The following MYO5A variants were observed in gnomAD, a reference collection of about 807,000 sequenced individuals.
The protein encoded by MYO5A is unconventional myosin-Va.
MYO5A carries 98 observed loss-of-function variants against 249.7 expected under a neutral mutation model. The ratio of observed to expected loss-of-function variants is 0.39; its 90% CI spans 0.33 to 0.46. The LOEUF (loss-of-function observed/expected upper bound fraction) is 0.46, where lower values mean the gene tolerates loss of function less well. MYO5A is among the 20% of genes least tolerant of loss of function. MYO5A has a pLI of 0.98. For missense variants in MYO5A, 1,696 were observed against 2,308.8 expected, an observed-to-expected ratio of 0.73 and a Z score of 5.44; for synonymous variants, 778 against 810.6, an observed-to-expected ratio of 0.96 and a Z score of 0.68.
chr15:52,496,119 T>C (rs2141559532), intron 1 of MYO5A, among the ~76,000 whole-genome samples: 1 of 151,724 alleles, frequency 6.6e-6, no homozygotes, highest in South Asian at 2.1e-4. Context: ...ATTAATGTTG[T>C]CCTAAGTAGC....
Position 52,317,241 on chromosome 15 carries a change from A to T in MYO5A, c.5235-19T>A. 6.2e-7 allele frequency: 1 copy of T among 1,612,384 alleles called. No individual in the cohort carries two copies. The highest frequency in any genetic ancestry group is 8.5e-7 in the Non-Finnish European group (1 of 1,179,612). On this transcript the variant is annotated intron_variant, in intron 39 of 41. Transcript: ENST00000399233. The stretch of plus-strand genomic sequence containing the variant: ...ATTGTACCTATGAAAAAAAAGAGAT[A>T]CAGAGAATGCAAATTTGCTGAATTT...
Position 52,340,324 on chromosome 15 carries a change from T to C in MYO5A, c.4111A>G (p.Ile1371Val). The C allele has an allele frequency of 1.2e-6, 2 of 1,613,880 alleles. No individual in the cohort carries two copies. Among genetic ancestry groups the C allele is most frequent in the Non-Finnish European group, 1.7e-6 (2 of 1,180,000 alleles). The change falls in exon 32 of 42, where the codon ATC (isoleucine) becomes GTC (valine). Residue 1371 changes from isoleucine (I) to valine (V), a missense_variant. By Grantham distance (29) the Ile-to-Val change is conservative. Transcript: ENST00000399233. ...ENEAEALRGE[I>V]QSLKEENNRQ... ...TTGTTCTCCTCCTTCAGGCTCTGGA[T>C]CTCCCCACGGAGGGCCTCGGCCTCA...
At chr15:52,440,076 C>G (rs1038163232) in intron 1 of MYO5A, among the ~76,000 whole-genome samples, 3 of 152,218 alleles carry the variant, frequency 2.0e-5, no homozygotes. Flanking sequence ...TGCCTGGCAG[C>G]AATGAGGTAA....
intron 5 of MYO5A, among the ~76,000 whole-genome samples, chr15:52,414,425 C>T (rs547268765): frequency 6.6e-6 from 1 of 152,198 alleles, no homozygotes; most frequent in African/African-American, 2.4e-5. Flanking sequence ...TTAATATATT[C>T]CTACTAATAC....
chr15:52,376,980 G>T (rs929350513), intron 18 of MYO5A, among the ~76,000 whole-genome samples: 3 of 152,162 alleles, frequency 2.0e-5, no homozygotes, highest in Non-Finnish European at 2.9e-5. Flanking sequence ...GAAGAATAAG[G>T]CAGGAAGAAA....
At chr15:52,515,552 A>C (rs1182236658) in intron 1 of MYO5A, among the ~76,000 whole-genome samples, 3 of 152,372 alleles carry the variant, frequency 2.0e-5, no homozygotes, top group African/African-American at 7.2e-5. Context: ...TATCTCATTT[A>C]ATCTTCATAA....
chr15:52,379,717 A>T lies in MYO5A; in HGVS notation c.2116T>A (p.Phe706Ile). ...GFPSRWTYQE[F>I]FSRYRVLMKQ... ...ATTAGGACACGGTAGCGGCTGAAAA[A>T]TTCTTGGTAAGTCCACCTATTAAAA... The change falls in exon 18 of 42, where the codon TTT becomes ATT. Residue 706 changes from phenylalanine (F) to isoleucine (I), a missense_variant. Around this residue, in one of 5 missense-constraint regions of MYO5A, gnomAD observed 277 missense variants for 422.4 expected, o/e 0.66. Coordinates refer to ENST00000399233, the MANE Select transcript of MYO5A (RefSeq NM_001382347.1). 1 of 1,614,176 alleles carries T rather than the reference A, an allele frequency of 6.2e-7. No homozygotes were observed. The highest frequency in any genetic ancestry group is 8.5e-7 in the Non-Finnish European group (1 of 1,180,012).
intron 6 of MYO5A, among the ~76,000 whole-genome samples, chr15:52,408,483 A>T (rs1319463945): frequency 6.6e-6 from 1 of 152,086 alleles, no homozygotes; most frequent in Non-Finnish European, 1.5e-5. Flanking sequence ...CTATTTTCTA[A>T]TGGTACCTCT....
chr15:52,346,449 C>T lies in MYO5A; in HGVS notation c.3871G>A (p.Asp1291Asn). Residue 1291 changes from aspartate to asparagine, a missense_variant, in exon 30 of 42, where the codon GAT becomes AAT. By Grantham distance (23) the Asp-to-Asn change is conservative. Coordinates refer to ENST00000399233, the MANE Select transcript of MYO5A (RefSeq NM_001382347.1). Reference protein sequence around the residue: ...QPKDDKNTMTDSTILLEDVQK... With the variant: ...QPKDDKNTMTNSTILLEDVQK... ...ACATCTTCCAAAAGTATTGTGGAAT[C>T]TGTCATTGTATTCTGAGAGGGAAAT... is the stretch of plus-strand genomic sequence containing the variant. The T allele has an allele frequency of 6.3e-7, 1 of 1,588,368 alleles. No individual in the cohort carries two copies. The highest frequency in any genetic ancestry group is 8.6e-7 in the Non-Finnish European group (1 of 1,157,236).
At chr15:52,450,954 A>G (rs1451749157) in intron 1 of MYO5A, among the ~76,000 whole-genome samples, 2 of 128,450 alleles carry the variant, frequency 1.6e-5, no homozygotes, top group African/African-American at 5.7e-5. Context: ...TCTTATTTTT[A>G]TGTTTACATT....
intron 11 of MYO5A, among the ~76,000 whole-genome samples, chr15:52,392,975 T>A (rs2042316022): frequency 6.6e-6 from 1 of 152,194 alleles, no homozygotes; most frequent in African/African-American, 2.4e-5. Context: ...GGCTGTGTGA[T>A]TTAGTCTCTA....
rs909769817 is a variant in MYO5A, at chr15:52,419,392, A to G, written c.456-3091T>C. ...GTCTTAAAGATGTGGCTTCACTGAG[A>G]CTTTAATCTCTCTCTTGTTAGAGAG... On this transcript the variant is annotated intron_variant, in intron 4 of 41. Coordinates refer to ENST00000399233, the MANE Select transcript of MYO5A (RefSeq NM_001382347.1). Among the ~76,000 whole-genome samples, 89 of 152,242 alleles carry G rather than the reference A, an allele frequency of 5.8e-4. 1 individual carries two copies. Among genetic ancestry groups the G allele is most frequent in the African/African-American group, 2.1e-3 (86 of 41,554 alleles).
intron 1 of MYO5A, among the ~76,000 whole-genome samples, chr15:52,492,844 C>G (rs28665952): frequency 1.3e-5 from 2 of 152,090 alleles, no homozygotes; most frequent in Non-Finnish European, 2.9e-5. Context: ...GGGGCCCGGG[C>G]ACATGGGAAT....
chr15:52,474,462 G>C (rs1595750862), intron 1 of MYO5A, among the ~76,000 whole-genome samples: 1 of 152,168 alleles, frequency 6.6e-6, no homozygotes, highest in African/African-American at 2.4e-5. Context: ...TCCCTGTCTT[G>C]TGCCAGTTTT....
chr15:52,423,343 G>C (rs949259747), intron 4 of MYO5A, among the ~76,000 whole-genome samples: 2 of 152,086 alleles, frequency 1.3e-5, no homozygotes, highest in African/African-American at 4.8e-5. Flanking sequence ...ACGAGGTCAG[G>C]AGATAGAGAC....
chr15:52,394,762 G>A (rs2042410795), intron 11 of MYO5A, among the ~76,000 whole-genome samples: 1 of 152,178 alleles, frequency 6.6e-6, no homozygotes, highest in African/African-American at 2.4e-5. Context: ...CACTCTGTGT[G>A]GAAACACAAT....
intron 14 of MYO5A, among the ~76,000 whole-genome samples, chr15:52,386,768 A>C (rs2041991066): frequency 2.6e-5 from 4 of 152,054 alleles, no homozygotes; most frequent in Admixed American, 1.3e-4. Flanking sequence ...GGCTGATCTT[A>C]AACTCCTGGG....
chr15:52,349,722 A>T (rs954117659), intron 28 of MYO5A, among the ~76,000 whole-genome samples: 6 of 152,224 alleles, frequency 3.9e-5, no homozygotes, highest in Non-Finnish European at 7.3e-5. Flanking sequence ...AAGAAAGAAT[A>T]CTAATTTGTC....
At chr15:52,495,655 T>C (rs2077023043) in intron 1 of MYO5A, among the ~76,000 whole-genome samples, 1 of 152,188 alleles carries the variant, frequency 6.6e-6, no homozygotes, top group African/African-American at 2.4e-5. Flanking sequence ...CACAAATATA[T>C]ACAGTATTTA....
Sources: gnomAD v4.1 joint callset for allele counts (sites outside exome capture counted in the v4.1 genomes callset) on GRCh38, gnomAD v4.1.1 for gene constraint, gnomAD v4.1.1 regional missense constraint, MANE v1.5 for transcripts, NCBI Gene and HGNC (gene_info 2026-07-23, HGNC 2026-07-21) for gene names.